The following FRMD4B variants were observed in gnomAD, a reference collection of about 807,000 sequenced individuals.
FRMD4B encodes the protein FERM domain containing 4B.
A neutral mutation model predicts 141.5 loss-of-function variants in FRMD4B; 74 were observed. The ratio of observed to expected loss-of-function variants is 0.52; its 90% CI spans 0.43 to 0.63. FRMD4B has a LOEUF of 0.63. FRMD4B is among the 30% of genes least tolerant of loss of function. The pLI, the probability that FRMD4B is intolerant of heterozygous loss-of-function variation, is 0.00. For synonymous variants in FRMD4B, 506 were observed against 467.9 expected (o/e 1.08, Z -1.05); for missense variants, 1,366 against 1,253.4 (o/e 1.09, Z -1.36).
At chr3:69,541,680 T>C (rs909592038) in intron 1 of FRMD4B, among the ~76,000 whole-genome samples, 1 of 152,166 alleles carries the variant, frequency 6.6e-6, no homozygotes, top group African/African-American at 2.4e-5. Context: ...TAAGAAGCTA[T>C]TCACATGCAC....
intron 2 of FRMD4B, among the ~76,000 whole-genome samples, chr3:69,406,211 T>C (rs1704646610): frequency 6.6e-6 from 1 of 152,216 alleles, no homozygotes; most frequent in South Asian, 2.1e-4. Context: ...TTAATGCTTT[T>C]AAATGGCCAG....
intron 1 of FRMD4B, among the ~76,000 whole-genome samples, chr3:69,435,359 TAA>T (rs76741517): frequency 2.5e-4 from 36 of 142,696 alleles, no homozygotes; most frequent in Non-Finnish European, 2.3e-4. Context: ...GGTTTTAGGT[TAA>T]AAAAAAAAAA....
intron 1 of FRMD4B, among the ~76,000 whole-genome samples, chr3:69,501,233 T>A (rs74868837): frequency 6.6e-6 from 1 of 150,464 alleles, no homozygotes; most frequent in African/African-American, 2.4e-5. Context: ...ACCTTCTTTT[T>A]TTTTTTTTTT....
intron 1 of FRMD4B, among the ~76,000 whole-genome samples, chr3:69,507,808 T>TA (rs960598893): frequency 2.0e-5 from 3 of 151,720 alleles, no homozygotes; most frequent in Non-Finnish European, 2.9e-5. Context: ...AACTAAGCCC[T>TA]AAAAAAAATT....
chr3:69,415,001 G>A (rs1281716125), intron 2 of FRMD4B, among the ~76,000 whole-genome samples: 1 of 151,766 alleles, frequency 6.6e-6, no homozygotes, highest in Non-Finnish European at 1.5e-5. Context: ...GAGTAGCTGG[G>A]ATTACAGGTG....
At chr3:69,237,716 T>C (rs913050406) in intron 7 of FRMD4B, among the ~76,000 whole-genome samples, 10 of 152,194 alleles carry the variant, frequency 6.6e-5, no homozygotes, top group African/African-American at 2.4e-4. Context: ...ATAAAAGATA[T>C]TCTTTGGGCT....
chr3:69,247,618 C>G (rs1465179766), intron 7 of FRMD4B, among the ~76,000 whole-genome samples: 1 of 152,176 alleles, frequency 6.6e-6, no homozygotes, highest in Non-Finnish European at 1.5e-5. Flanking sequence ...TCCTGAGTAG[C>G]TGGGATTACA....
At chr3:69,266,033 CA>C (rs34950792) in intron 5 of FRMD4B, among the ~76,000 whole-genome samples, 42 of 142,194 alleles carry the variant, frequency 3.0e-4, no homozygotes, top group Admixed American at 3.5e-4. Context: ...CCTCTTGCTA[CA>C]AAAAAAAAAA....
intron 8 of FRMD4B, 57 bp downstream of exon 8, chr3:69,224,550 T>A (rs751152014): frequency 1.3e-6 from 1 of 785,036 alleles, no homozygotes; most frequent in Non-Finnish European, 2.2e-6. Flanking sequence ...CTGAAAAGCA[T>A]GTAGTTCTGA....
chr3:69,496,431 G>A (rs1706388653), intron 1 of FRMD4B, among the ~76,000 whole-genome samples: 1 of 152,096 alleles, frequency 6.6e-6, no homozygotes, highest in African/African-American at 2.4e-5. Context: ...ATGGGCGAGT[G>A]ACCCAAGTTC....
chr3:69,430,959 T>G (rs1305552856), intron 2 of FRMD4B, among the ~76,000 whole-genome samples: 1 of 152,170 alleles, frequency 6.6e-6, no homozygotes, highest in Non-Finnish European at 1.5e-5. Context: ...GGGGCTCCTT[T>G]AGTAGAGAAG....
chr3:69,467,105 C>T (rs9859296), intron 1 of FRMD4B, among the ~76,000 whole-genome samples: 4,646 of 152,246 alleles, frequency 0.031, 247 homozygotes, highest in African/African-American at 0.11. Flanking sequence ...CTCTCTCCCC[C>T]AGAGGTCCCA....
chr3:69,499,703 G>A (rs183726279), intron 1 of FRMD4B, among the ~76,000 whole-genome samples: 1 of 152,300 alleles, frequency 6.6e-6, no homozygotes, highest in East Asian at 1.9e-4. Context: ...GAGAGAGAGA[G>A]AGAGAGAGAG....
chr3:69,282,997 A>C (rs116236216), intron 5 of FRMD4B, among the ~76,000 whole-genome samples: 3,374 of 152,306 alleles, frequency 0.022, 68 homozygotes, highest in Non-Finnish European at 0.029. Context: ...AAAATTTAAA[A>C]AATTATCTCA....
intron 1 of FRMD4B, among the ~76,000 whole-genome samples, chr3:69,528,700 A>C (rs1559554317): frequency 6.6e-6 from 1 of 152,076 alleles, no homozygotes; most frequent in Non-Finnish European, 1.5e-5. Context: ...TCCAGAAGCC[A>C]ACCCCAAACA....
At chr3:69,353,642 T>A in intron 1 of FRMD4B, 1 of 977,880 alleles carries the variant, frequency 1.0e-6, no homozygotes, top group Non-Finnish European at 1.2e-6. Context: ...TGTGTGTGTG[T>A]GCGCGCGCGT....
At chr3:69,531,421 C>A (rs981387741) in intron 1 of FRMD4B, among the ~76,000 whole-genome samples, 1 of 152,100 alleles carries the variant, frequency 6.6e-6, no homozygotes, top group Admixed American at 6.5e-5. Context: ...GAACCATGTG[C>A]CATGTTTTCA....
intron 7 of FRMD4B, among the ~76,000 whole-genome samples, chr3:69,237,191 G>GGAGAC (rs2093350771): frequency 9.0e-6 from 1 of 111,176 alleles, no homozygotes; most frequent in East Asian, 2.9e-4. Context: ...GAAGAGGAGA[G>GGAGAC]AATTGGAAAG....
At chr3:69,477,420 T>C (rs1575816436) in intron 1 of FRMD4B, among the ~76,000 whole-genome samples, 1 of 150,718 alleles carries the variant, frequency 6.6e-6, no homozygotes, top group South Asian at 2.1e-4. Context: ...TGAAGGGTTG[T>C]TGAATTTTGT....
Sources: allele counts gnomAD v4.1 joint callset (sites outside exome capture counted in the v4.1 genomes callset), GRCh38; gene constraint gnomAD v4.1.1; transcripts MANE v1.5; gene names NCBI Gene and HGNC (gene_info 2026-07-23, HGNC 2026-07-21).